Variants in ANKRD12 observed in about 807,000 individuals in gnomAD.
The protein encoded by ANKRD12 is ankyrin repeat domain 12, also known as ankyrin repeat domain-containing protein 12.
A neutral mutation model predicts 183.4 loss-of-function variants in ANKRD12; 85 were observed. The observed-to-expected ratio is 0.46, with a 90% CI of 0.39 to 0.56. The LOEUF (loss-of-function observed/expected upper bound fraction) is 0.56. ANKRD12 is among the 20% of genes least tolerant of loss of function. ANKRD12 has a pLI of 0.00. For missense variants in ANKRD12, 2,405 were observed against 2,357.1 expected, an observed-to-expected ratio of 1.02 and a Z score of -0.42; for synonymous variants, 914 against 800.2, an observed-to-expected ratio of 1.14 and a Z score of -2.40.
intron 1 of ANKRD12, among the ~76,000 whole-genome samples, chr18:9,175,599 C>T (rs2033199865): frequency 7.8e-6 from 1 of 127,786 alleles, no homozygotes; most frequent in African/African-American, 2.9e-5. Context: ...ACTATCTCGG[C>T]TCACTGCAAA....
intron 1 of ANKRD12, among the ~76,000 whole-genome samples, chr18:9,158,979 CCCCTT>C (rs2031008323): frequency 6.6e-6 from 1 of 152,120 alleles, no homozygotes; most frequent in African/African-American, 2.4e-5. Context: ...TCTGTTGGGA[CCCCTT>C]TCACTTTGCA....
At chr18:9,139,264 G>A (rs941509514) in intron 1 of ANKRD12, among the ~76,000 whole-genome samples, 27 of 152,160 alleles carry the variant, frequency 1.8e-4, no homozygotes, top group African/African-American at 6.3e-4. Context: ...TTTATTTGCA[G>A]ACTAGTGTCC....
Position 9,254,887 on chromosome 18 carries a change from T to G in ANKRD12, c.1620T>G (p.Thr540=), listed in dbSNP as rs144254485. The G allele has an allele frequency of 5.2e-5, 80 of 1,543,770 alleles. 1 individual carries two copies. The African/African-American group carries it at 9.0e-4, about 17-fold the overall frequency. ...CATTACATTTATTTCATATTTCCAC[T>G]GGTAAATCTCCCAAACATTCTTGTG... ...DTSLHLFHIS[T]GKSPKHSCGL... The change falls in exon 9 of 13, where the codon ACT becomes ACG. Residue 540 remains threonine, a synonymous_variant. Coordinates refer to ENST00000262126, the MANE Select transcript of ANKRD12 (RefSeq NM_015208.5).
chr18:9,258,143 A>G lies in ANKRD12; in HGVS notation c.4876A>G (p.Thr1626Ala). The change falls in exon 9 of 13, where the codon ACT becomes GCT. Residue 1626 changes from threonine (T) to alanine (A), a missense_variant. This residue lies in a region of ANKRD12 where 1,983 missense variants were observed against 1,725.9 expected (regional missense o/e 1.15). Transcript: ENST00000262126. Reference sequence around the variant, plus strand: ...TGAAGTTGAGAATAGCACAACTGATACTCAGGTCATTTCACATGAAAAAGA... The same window carrying G: ...TGAAGTTGAGAATAGCACAACTGATGCTCAGGTCATTTCACATGAAAAAGA... ...GHEVENSTTD[T>A]QVISHEKENK... is the part of the protein sequence containing the mutation. The G allele has an allele frequency of 6.2e-7, 1 of 1,613,776 alleles. No individual in the cohort carries two copies. The highest frequency in any genetic ancestry group is 2.2e-5 in the East Asian group (1 of 44,870).
chr18:9,239,566 A>G, intron 8 of ANKRD12: 1 of 1,264,626 alleles, frequency 7.9e-7, no homozygotes, highest in Non-Finnish European at 1.0e-6. Flanking sequence ...AGTAAGTATC[A>G]TATAAAGATT....
intron 1 of ANKRD12, among the ~76,000 whole-genome samples, chr18:9,141,255 C>T (rs1397447893): frequency 6.6e-6 from 1 of 151,904 alleles, no homozygotes; most frequent in East Asian, 1.9e-4. Context: ...GTTGTCAGAG[C>T]ACATTATTCT....
intron 3 of ANKRD12, chr18:9,200,573 G>A (rs2035104658): frequency 6.6e-6 from 1 of 152,116 alleles, no homozygotes; most frequent in Admixed American, 6.5e-5. Flanking sequence ...GTTTACTGTT[G>A]AAGATTTTGG....
At position 9,270,376 on chromosome 18, in the gene ANKRD12, A is replaced by G. The variant is rs535855594; in HGVS notation, c.5764-5148A>G. ...TTAGAACCAACCCAAATGTCCAACA[A>G]TGATAGACTGGATTAAGAAAATGTG... On this transcript the variant is annotated intron_variant, in intron 10 of 12. Transcript: ENST00000262126. Among the ~76,000 whole-genome samples, 10 of 152,348 alleles carry G rather than the reference A, an allele frequency of 6.6e-5. No individual in the cohort carries two copies. The South Asian group carries it at 1.9e-3, about 28-fold the overall frequency.
intron 9 of ANKRD12, among the ~76,000 whole-genome samples, chr18:9,261,211 C>G (rs187807666): frequency 6.6e-6 from 1 of 152,326 alleles, no homozygotes; most frequent in Admixed American, 6.5e-5. Context: ...TCATGGTTCT[C>G]TGTTACTTAA....
Position 9,282,662 on chromosome 18 carries a change from T to C in ANKRD12, c.*1536T>C, listed in dbSNP as rs1408027530. On this transcript the variant is annotated 3_prime_UTR_variant, in exon 13 of 13. Coordinates refer to ENST00000262126, the MANE Select transcript of ANKRD12 (RefSeq NM_015208.5). ...CTTTCTTGAATTATAATACTGAATG[T>C]TTTCTGTTCCGATAGAGAAAAGTGA... The C allele has an allele frequency of 6.6e-6, 1 of 152,560 alleles. No homozygotes were observed. Among genetic ancestry groups the C allele is most frequent in the African/African-American group, 2.4e-5 (1 of 41,424 alleles). 9.5% of individuals were successfully genotyped at this position (152,560 alleles called of 1,614,324 possible).
chr18:9,254,722 C>T lies in ANKRD12; in HGVS notation c.1455C>T (p.Asn485=), dbSNP rs76038781. The T allele has an allele frequency of 2.4e-3, 3,616 of 1,500,074 alleles. 89 individuals carry two copies. In the African/African-American group the frequency reaches 0.047, roughly 20 times the overall value. 92.9% of individuals were successfully genotyped at this position (1,500,074 alleles called of 1,614,324 possible). A position where few individuals can be genotyped will look rare whatever the true frequency, so the allele number is the denominator to read the frequency against. Residue 485 remains asparagine, a synonymous_variant, in exon 9 of 13, where the codon AAC becomes AAT. Coordinates refer to ENST00000262126, the MANE Select transcript of ANKRD12 (RefSeq NM_015208.5). ...KLKNQNKNKE[N]QELKQEKEGK... ...AAAATCAGAATAAAAATAAAGAGAA[C>T]CAAGAGCTAAAGCAAGAAAAGGAAG...
At chr18:9,241,091 T>A (rs1315492378) in intron 8 of ANKRD12, among the ~76,000 whole-genome samples, 1 of 152,170 alleles carries the variant, frequency 6.6e-6, no homozygotes, top group African/African-American at 2.4e-5. Context: ...AAATGGATTA[T>A]GTGATGTTAA....
At chr18:9,141,475 C>T (rs2078313372) in intron 1 of ANKRD12, among the ~76,000 whole-genome samples, 3 of 152,164 alleles carry the variant, frequency 2.0e-5, no homozygotes, top group Admixed American at 6.5e-5. Flanking sequence ...AAAACAGTAT[C>T]CAAGACCAGG....
At chr18:9,263,207 T>C (rs1457036753) in intron 9 of ANKRD12, among the ~76,000 whole-genome samples, 1 of 152,140 alleles carries the variant, frequency 6.6e-6, no homozygotes, top group African/African-American at 2.4e-5. Context: ...TAATTTGATA[T>C]TACACTACAA....
Position 9,211,616 on chromosome 18 carries a change from C to T in ANKRD12, c.484C>T (p.Pro162Ser), listed in dbSNP as rs988620952. 2 of 1,613,662 alleles carry T rather than the reference C, an allele frequency of 1.2e-6. No individual in the cohort carries two copies. Among genetic ancestry groups the T allele is most frequent in the Non-Finnish European group, 1.7e-6 (2 of 1,179,848 alleles). Residue 162 changes from proline (P) to serine (S), a missense_variant, in exon 6 of 13, where the codon CCT becomes TCT. Pro to Ser is a moderately conservative substitution (Grantham distance 74). This residue lies in a region of ANKRD12 where 35 missense variants were observed against 37.5 expected (regional missense o/e 0.93). Coordinates refer to ENST00000262126, the MANE Select transcript of ANKRD12 (RefSeq NM_015208.5). The part of the protein sequence containing the change: ...STPNHPSQTT[P>S]AQKKTPSSSS... Reference sequence around the variant, plus strand: ...ACCAAATCATCCATCACAAACAACGCCTGCCCAAAAGAAAACTCCCAGTTC... The same window carrying T: ...ACCAAATCATCCATCACAAACAACGTCTGCCCAAAAGAAAACTCCCAGTTC...
At chr18:9,252,860 T>C (rs2038383279) in intron 8 of ANKRD12, among the ~76,000 whole-genome samples, 1 of 152,170 alleles carries the variant, frequency 6.6e-6, no homozygotes, top group Admixed American at 6.5e-5. Flanking sequence ...ATTAAATCCT[T>C]TAAGTTAGTG....
intron 5 of ANKRD12, among the ~76,000 whole-genome samples, chr18:9,209,095 G>A (rs898590275): frequency 1.3e-5 from 2 of 152,126 alleles, no homozygotes; most frequent in Non-Finnish European, 2.9e-5. Flanking sequence ...TATATTAACA[G>A]TCATTTTATA....
At chr18:9,259,762 A>C (rs967464738) in intron 9 of ANKRD12, 1 of 152,206 alleles carries the variant, frequency 6.6e-6, no homozygotes, top group Non-Finnish European at 1.5e-5. Flanking sequence ...TGCATATATT[A>C]CTGCAGAGTG....
chr18:9,275,921 G>C (rs549479277), intron 11 of ANKRD12, among the ~76,000 whole-genome samples: 31 of 152,306 alleles, frequency 2.0e-4, no homozygotes, highest in Non-Finnish European at 3.8e-4. Flanking sequence ...TGCCCTTACA[G>C]GTACACATAA....
Sources: gnomAD v4.1 joint callset for allele counts (sites outside exome capture counted in the v4.1 genomes callset) on GRCh38, gnomAD v4.1.1 for gene constraint, gnomAD v4.1.1 regional missense constraint, MANE v1.5 for transcripts, NCBI Gene and HGNC (gene_info 2026-07-23, HGNC 2026-07-21) for gene names.